Variants in GPC5 observed in about 807,000 individuals in gnomAD.
The protein encoded by GPC5 is glypican 5, also known as glypican-5.
Under a neutral mutation model 53.9 loss-of-function variants are expected in GPC5, and 47 were observed. The ratio of observed to expected loss-of-function variants is 0.87; its 90% confidence interval spans 0.69 to 1.11. The LOEUF is 1.11. GPC5 is among the 50% of genes most tolerant of loss of function. The pLI, the probability that GPC5 is intolerant of heterozygous loss-of-function variation, is 0.00. For synonymous variants in GPC5, 286 were observed against 263.3 expected, an observed-to-expected ratio of 1.09 and a Z score of -0.84; for missense variants, 748 against 713.1, an observed-to-expected ratio of 1.05 and a Z score of -0.56.
chr13:92,152,137 T>G (rs989600803), intron 7 of GPC5, among the ~76,000 whole-genome samples: 3 of 152,182 alleles, frequency 2.0e-5, no homozygotes, highest in Admixed American at 2.0e-4. Flanking sequence ...ACAATTGATT[T>G]TTTGAATACA....
intron 7 of GPC5, among the ~76,000 whole-genome samples, chr13:92,274,863 G>C (rs1043577556): frequency 6.6e-6 from 1 of 151,758 alleles, no homozygotes; most frequent in Non-Finnish European, 1.5e-5. Context: ...ACACTCAAGA[G>C]GAAGAATTAC....
At chr13:92,069,329 T>C (rs1039714694) in intron 6 of GPC5, among the ~76,000 whole-genome samples, 2 of 152,046 alleles carry the variant, frequency 1.3e-5, no homozygotes, top group African/African-American at 4.8e-5. Flanking sequence ...TTATATTAGT[T>C]TCCTATTGCT....
chr13:91,751,675 C>T (rs1271349280), intron 4 of GPC5, among the ~76,000 whole-genome samples: 1 of 152,154 alleles, frequency 6.6e-6, no homozygotes, highest in Non-Finnish European at 1.5e-5. Flanking sequence ...CGCCTGTGTG[C>T]CCAGAAGGTA....
At chr13:92,661,545 T>C (rs1886344124) in intron 7 of GPC5, among the ~76,000 whole-genome samples, 1 of 152,206 alleles carries the variant, frequency 6.6e-6, no homozygotes, top group African/African-American at 2.4e-5. Flanking sequence ...TTTTATGGCA[T>C]TAAATAGTGT....
At chr13:91,908,264 T>C (rs1033977979) in intron 6 of GPC5, among the ~76,000 whole-genome samples, 4 of 152,110 alleles carry the variant, frequency 2.6e-5, no homozygotes, top group African/African-American at 7.2e-5. Flanking sequence ...TACTGGACAA[T>C]CTGTATCTGT....
At chr13:91,429,225 A>G (rs1266165785) in intron 1 of GPC5, among the ~76,000 whole-genome samples, 5 of 152,192 alleles carry the variant, frequency 3.3e-5, no homozygotes, top group African/African-American at 1.2e-4. Context: ...TGGCATGAAC[A>G]TCTGTTTTAA....
At chr13:92,119,082 G>A (rs964681759) in intron 6 of GPC5, among the ~76,000 whole-genome samples, 2 of 152,164 alleles carry the variant, frequency 1.3e-5, no homozygotes, top group Non-Finnish European at 2.9e-5. Flanking sequence ...CTGACTCATA[G>A]TTCCACTTGG....
intron 6 of GPC5, among the ~76,000 whole-genome samples, chr13:91,978,174 G>A (rs1227100551): frequency 2.0e-5 from 3 of 152,126 alleles, no homozygotes; most frequent in Non-Finnish European, 4.4e-5. Flanking sequence ...CATTAAATTT[G>A]TATTCTCAGG....
intron 7 of GPC5, among the ~76,000 whole-genome samples, chr13:92,347,882 T>TATATATTATATATAA (rs1491589093): frequency 4.3e-4 from 1 of 2,332 alleles, no homozygotes; most frequent in African/African-American, 3.2e-3. Context: ...ATAATATATA[T>TATATATTATATATAA]TATATATATT....
chr13:91,822,661 A>G (rs1052018440), intron 5 of GPC5, among the ~76,000 whole-genome samples: 4 of 152,104 alleles, frequency 2.6e-5, no homozygotes, highest in African/African-American at 7.2e-5. Context: ...ATGATAGTGC[A>G]TAAGGTTCCT....
At chr13:92,677,682 A>G (rs1270140743) in intron 7 of GPC5, among the ~76,000 whole-genome samples, 2 of 152,222 alleles carry the variant, frequency 1.3e-5, no homozygotes, top group African/African-American at 4.8e-5. Flanking sequence ...GTGCAGAGGC[A>G]AAAGTAGTCA....
intron 7 of GPC5, among the ~76,000 whole-genome samples, chr13:92,248,215 A>C (rs928639147): frequency 6.8e-5 from 10 of 146,772 alleles, no homozygotes; most frequent in African/African-American, 2.0e-4. Flanking sequence ...AAAAAAAAAA[A>C]CAGATTTTTA....
chr13:91,449,593 T>C (rs1354039876), intron 2 of GPC5, among the ~76,000 whole-genome samples: 1 of 152,144 alleles, frequency 6.6e-6, no homozygotes, highest in Non-Finnish European at 1.5e-5. Flanking sequence ...CATATGGTTT[T>C]CATAAGAACA....
chr13:92,542,926 T>C (rs1346121414), intron 7 of GPC5, among the ~76,000 whole-genome samples: 1 of 152,104 alleles, frequency 6.6e-6, no homozygotes, highest in Non-Finnish European at 1.5e-5. Flanking sequence ...CTTTTTGTCT[T>C]GGAAGTTTGA....
At chr13:91,594,380 T>C (rs2032915294) in intron 2 of GPC5, among the ~76,000 whole-genome samples, 2 of 152,218 alleles carry the variant, frequency 1.3e-5, no homozygotes, top group Non-Finnish European at 2.9e-5. Flanking sequence ...ATTGATCTTG[T>C]GTATTTCTGT....
At chr13:92,776,238 G>A (rs1333273030) in intron 7 of GPC5, among the ~76,000 whole-genome samples, 5 of 152,034 alleles carry the variant, frequency 3.3e-5, no homozygotes, top group Admixed American at 6.6e-5. Context: ...GTAGTGTAGC[G>A]TCTTTAAATC....
At chr13:92,067,527 C>T (rs1321890539) in intron 6 of GPC5, among the ~76,000 whole-genome samples, 1 of 151,954 alleles carries the variant, frequency 6.6e-6, no homozygotes, top group Non-Finnish European at 1.5e-5. Flanking sequence ...TTTAACATGA[C>T]AGCTGGAGGA....
At chr13:92,678,478 A>T (rs551241594) in intron 7 of GPC5, among the ~76,000 whole-genome samples, 1 of 152,324 alleles carries the variant, frequency 6.6e-6, no homozygotes, top group Non-Finnish European at 1.5e-5. Context: ...GGAAGTCATC[A>T]AGTGGATGTA....
Position 92,745,576 on chromosome 13 carries a change from C to G in GPC5, c.1562-120706C>G, listed in dbSNP as rs1398338073. ...AGATGGCATTGCCTTTCTGAACAAG[C>G]TGAGTCCTCTGGTCATTAGGGTAAA... On this transcript the variant is annotated intron_variant, in intron 7 of 7. Coordinates refer to ENST00000377067, the MANE Select transcript of GPC5 (RefSeq NM_004466.6). Among the ~76,000 whole-genome samples, 7 of 152,160 alleles carry G rather than the reference C, an allele frequency of 4.6e-5. No individual in the cohort carries two copies. The East Asian group carries it at 1.4e-3, about 29-fold the overall frequency.
Sources: gnomAD v4.1 joint callset for allele counts (sites outside exome capture counted in the v4.1 genomes callset) on GRCh38, gnomAD v4.1.1 for gene constraint, MANE v1.5 for transcripts, NCBI Gene and HGNC (gene_info 2026-07-23, HGNC 2026-07-21) for gene names.